The following KCNN2 variants were observed in gnomAD, a reference collection of about 807,000 sequenced individuals.
The protein encoded by KCNN2 is small conductance calcium-activated potassium channel protein 2.
KCNN2 carries 24 observed loss-of-function variants against 55.5 expected under a neutral mutation model. The observed-to-expected ratio is 0.43, with a 90% confidence interval of 0.31 to 0.61. KCNN2 has a LOEUF of 0.61. KCNN2 is among the 20% of genes least tolerant of loss of function. The probability of loss-of-function intolerance (pLI) is 0.08; values close to 1 mark genes in which losing one functional copy is unlikely to be tolerated. For synonymous variants in KCNN2, 431 were observed against 336.1 expected (o/e 1.28, Z -3.09); for missense variants, 754 against 853.6 (o/e 0.88, Z 1.45).
At chr5:114,140,898 C>T (rs1210922101) in intron 1 of KCNN2, among the ~76,000 whole-genome samples, 1 of 151,526 alleles carries the variant, frequency 6.6e-6, no homozygotes, top group Non-Finnish European at 1.5e-5. Context: ...AATCAATTCT[C>T]CTGCCTCAGC....
chr5:114,195,097 G>A (rs533851852), intron 1 of KCNN2, among the ~76,000 whole-genome samples: 1 of 151,664 alleles, frequency 6.6e-6, no homozygotes, highest in Non-Finnish European at 1.5e-5. Context: ...CTGTAGCTGA[G>A]TAGTAAATTT....
chr5:114,418,851 T>C (rs1759384756), intron 3 of KCNN2, among the ~76,000 whole-genome samples: 1 of 152,172 alleles, frequency 6.6e-6, no homozygotes, highest in Admixed American at 6.5e-5. Flanking sequence ...TGCTGCTCAC[T>C]AAGGTCTGCA....
chr5:114,249,583 G>A (rs1754818545), intron 2 of KCNN2, among the ~76,000 whole-genome samples: 1 of 151,686 alleles, frequency 6.6e-6, no homozygotes, highest in East Asian at 1.9e-4. Context: ...CACTGTGCCT[G>A]GCCCTCAGTA....
At position 114,394,074 on chromosome 5, in the gene KCNN2, C is replaced by T. The variant is rs1348269861; in HGVS notation, c.1219-10364C>T. On this transcript the variant is annotated intron_variant, in intron 2 of 7. Coordinates refer to ENST00000673685, the MANE Select transcript of KCNN2 (RefSeq NM_021614.4). ...TATCAAAGAGAATGTATGCTTATAA[C>T]CTGATAAATTGCTCTCCTCCGATTG... is the stretch of plus-strand genomic sequence containing the variant. 2.0e-5 allele frequency among the ~76,000 whole-genome samples: 3 copies of T among 152,124 alleles called. No homozygotes were observed. The South Asian group carries it at 6.2e-4, about 32-fold the overall frequency.
chr5:114,329,426 T>C (rs4705501), intron 2 of KCNN2, among the ~76,000 whole-genome samples: 120,923 of 152,138 alleles, frequency 0.79, 48,261 homozygotes, highest in East Asian at 0.97. Context: ...GGTGGAAGGA[T>C]TTGACTTGCT....
At chr5:114,418,609 G>T (rs2150079257) in intron 3 of KCNN2, among the ~76,000 whole-genome samples, 1 of 152,226 alleles carries the variant, frequency 6.6e-6, no homozygotes, top group African/African-American at 2.4e-5. Context: ...GGCAAGCAAG[G>T]GAACCCCATT....
At chr5:114,463,675 A>G (rs1365895016) in intron 4 of KCNN2, among the ~76,000 whole-genome samples, 2 of 152,234 alleles carry the variant, frequency 1.3e-5, no homozygotes, top group African/African-American at 4.8e-5. Context: ...CATCAAAAGA[A>G]GATAGAAACT....
At chr5:114,487,641 C>A (rs1045329560) in intron 6 of KCNN2, among the ~76,000 whole-genome samples, 3 of 152,048 alleles carry the variant, frequency 2.0e-5, no homozygotes, top group Non-Finnish European at 4.4e-5. Flanking sequence ...ACCTTTTACT[C>A]TCTTATCATT....
At chr5:114,194,628 G>A (rs906540743) in intron 1 of KCNN2, among the ~76,000 whole-genome samples, 1 of 151,886 alleles carries the variant, frequency 6.6e-6, no homozygotes, top group African/African-American at 2.4e-5. Flanking sequence ...CTTTGAAAAT[G>A]TTTTCTTCTA....
chr5:114,333,093 A>G (rs1279418077), intron 2 of KCNN2, among the ~76,000 whole-genome samples: 1 of 152,198 alleles, frequency 6.6e-6, no homozygotes, highest in African/African-American at 2.4e-5. Flanking sequence ...ACACCCTCTA[A>G]AAGTTTACAG....
chr5:114,148,058 G>A (rs774942382), intron 1 of KCNN2, among the ~76,000 whole-genome samples: 10 of 152,172 alleles, frequency 6.6e-5, no homozygotes, highest in Non-Finnish European at 1.2e-4. Context: ...CAAACAACTG[G>A]CAAATAGTAG....
intron 3 of KCNN2, among the ~76,000 whole-genome samples, chr5:114,440,153 C>T (rs1002431569): frequency 1.3e-5 from 2 of 152,036 alleles, no homozygotes; most frequent in South Asian, 2.1e-4. Context: ...AAAAAAGAAA[C>T]CTACATGTAG....
At chr5:114,337,301 T>C (rs1252416531) in intron 2 of KCNN2, among the ~76,000 whole-genome samples, 1 of 151,898 alleles carries the variant, frequency 6.6e-6, no homozygotes, top group Non-Finnish European at 1.5e-5. Flanking sequence ...CTAAGAGGGG[T>C]ATGGATGAGC....
intron 1 of KCNN2, among the ~76,000 whole-genome samples, chr5:114,075,878 C>A (rs145168189): frequency 1.3e-5 from 2 of 152,326 alleles, no homozygotes; most frequent in East Asian, 3.9e-4. Flanking sequence ...CTGGCCCACC[C>A]AGCAGCCAGA....
intron 1 of KCNN2, among the ~76,000 whole-genome samples, chr5:114,125,694 G>C (rs934410611): frequency 1.3e-5 from 2 of 152,154 alleles, no homozygotes; most frequent in Non-Finnish European, 2.9e-5. Flanking sequence ...TTTTCTTACA[G>C]TTCTGGAGGT....
chr5:114,057,409 C>A (rs1185986920), intron 1 of KCNN2, among the ~76,000 whole-genome samples: 2 of 152,162 alleles, frequency 1.3e-5, no homozygotes, highest in Non-Finnish European at 2.9e-5. Context: ...TATTCATAAT[C>A]ATACAGTTAG....
At chr5:114,232,691 A>G (rs890752904) in intron 2 of KCNN2, among the ~76,000 whole-genome samples, 6 of 150,960 alleles carry the variant, frequency 4.0e-5, no homozygotes, top group Non-Finnish European at 7.4e-5. Context: ...CTAGCTTAAA[A>G]AGTATTGTTC....
chr5:114,380,322 C>G (rs981080766), intron 2 of KCNN2, among the ~76,000 whole-genome samples: 1 of 152,164 alleles, frequency 6.6e-6, no homozygotes, highest in Non-Finnish European at 1.5e-5. Context: ...GCAGGAATGT[C>G]TGCCCCAAAC....
intron 1 of KCNN2, among the ~76,000 whole-genome samples, chr5:114,084,999 T>A (rs938601122): frequency 6.6e-6 from 1 of 151,802 alleles, no homozygotes; most frequent in East Asian, 1.9e-4. Context: ...CTTTATATTC[T>A]CTTCCATTGA....
Sources: allele counts gnomAD v4.1 joint callset (sites outside exome capture counted in the v4.1 genomes callset), GRCh38; gene constraint gnomAD v4.1.1; transcripts MANE v1.5; gene names NCBI Gene and HGNC (gene_info 2026-07-23, HGNC 2026-07-21).